Variants in FPR3 observed in about 807,000 individuals in gnomAD.
FPR3 encodes N-formyl peptide receptor 3.
For synonymous variants in FPR3, 135 were observed against 163.6 expected, an observed-to-expected ratio of 0.83 and a Z score of 1.34; for missense variants, 346 against 443.2, an observed-to-expected ratio of 0.78 and a Z score of 1.97.
chr19:51,813,119 A>AACATACACAC (rs2084109028), intron 1 of FPR3, among the ~76,000 whole-genome samples: 2 of 137,122 alleles, frequency 1.5e-5, no homozygotes, highest in Admixed American at 1.5e-4. Context: ...GCTCTGTCTC[A>AACATACACAC]ACACACACAC....
intron 1 of FPR3, among the ~76,000 whole-genome samples, chr19:51,813,143 C>CACACACACAT (rs1568429899): frequency 6.6e-6 from 1 of 151,532 alleles, no homozygotes; most frequent in Admixed American, 6.6e-5. Flanking sequence ...CACACACACA[C>CACACACACAT]ACACACACAC....
At chr19:51,815,957 C>T (rs1344097401) in intron 1 of FPR3, among the ~76,000 whole-genome samples, 2 of 151,904 alleles carry the variant, frequency 1.3e-5, no homozygotes, top group East Asian at 1.9e-4. Flanking sequence ...GTCCCAGCAA[C>T]TCAGGAGGCT....
At chr19:51,810,622 G>C (rs926514249) in intron 1 of FPR3, among the ~76,000 whole-genome samples, 1 of 152,148 alleles carries the variant, frequency 6.6e-6, no homozygotes, top group African/African-American at 2.4e-5. Flanking sequence ...GTTTAGCCTG[G>C]TCTGCACACA....
At chr19:51,805,519 T>C (rs1234258427) in intron 1 of FPR3, among the ~76,000 whole-genome samples, 1 of 152,232 alleles carries the variant, frequency 6.6e-6, no homozygotes. Context: ...TACTCACTTT[T>C]GTTATATTCT....
chr19:51,823,722 T>C lies in FPR3; in HGVS notation c.-10-17T>C. The C allele has an allele frequency of 1.3e-6, 2 of 1,533,946 alleles. No homozygotes were observed. Among genetic ancestry groups the C allele is most frequent in the South Asian group, 1.3e-5 (1 of 79,342 alleles). On this transcript the variant is annotated splice_polypyrimidine_tract_variant and intron_variant, in intron 1 of 1. Coordinates refer to ENST00000339223, the MANE Select transcript of FPR3 (RefSeq NM_002030.5). ...TGGTGTCACAGCTGAGAAATGGCCA[T>C]TGCTGAAATGTTTCAGGTGTGGGAA...
intron 1 of FPR3, among the ~76,000 whole-genome samples, chr19:51,796,677 GA>G (rs1175517623): frequency 6.6e-6 from 1 of 152,202 alleles, no homozygotes; most frequent in Non-Finnish European, 1.5e-5. Context: ...GAGGAAAAGA[GA>G]AATGAAAGGT....
At chr19:51,821,679 C>G (rs2084190685) in intron 1 of FPR3, among the ~76,000 whole-genome samples, 1 of 151,972 alleles carries the variant, frequency 6.6e-6, no homozygotes, top group Non-Finnish European at 1.5e-5. Flanking sequence ...GAACTCCTTT[C>G]AAATGCAGCA....
intron 1 of FPR3, among the ~76,000 whole-genome samples, chr19:51,795,581 T>G (rs1324780753): frequency 1.6e-5 from 2 of 126,264 alleles, no homozygotes; most frequent in Non-Finnish European, 3.2e-5. Context: ...TGGCACAATC[T>G]CAGCCCACTG....
intron 1 of FPR3, among the ~76,000 whole-genome samples, chr19:51,808,771 CTCTTAAATCATGT>C (rs1344314528): frequency 6.6e-6 from 1 of 152,192 alleles, no homozygotes; most frequent in East Asian, 1.9e-4. Context: ...ACATGAATAG[CTCTTAAATCATGT>C]AGTAGTCGCC....
At chr19:51,817,864 T>C (rs1323477245) in intron 1 of FPR3, 2 of 152,224 alleles carry the variant, frequency 1.3e-5, no homozygotes, top group Non-Finnish European at 1.5e-5. Flanking sequence ...ATCTAAAAAT[T>C]ATTGTTGGAA....
chr19:51,817,207 C>T (rs1005191621), intron 1 of FPR3, among the ~76,000 whole-genome samples: 3 of 152,060 alleles, frequency 2.0e-5, no homozygotes, highest in Non-Finnish European at 4.4e-5. Flanking sequence ...TCCATTGTTC[C>T]CTTGTCCTTC....
chr19:51,813,160 A>ACACACC (rs1555740553), intron 1 of FPR3, among the ~76,000 whole-genome samples: 1 of 147,246 alleles, frequency 6.8e-6, no homozygotes, highest in Non-Finnish European at 1.5e-5. Context: ...ACACACACAC[A>ACACACC]CCCCATAAAT....
At chr19:51,816,296 G>A (rs991183794) in intron 1 of FPR3, among the ~76,000 whole-genome samples, 1 of 152,138 alleles carries the variant, frequency 6.6e-6, no homozygotes, top group Non-Finnish European at 1.5e-5. Flanking sequence ...GCCCAGGCTT[G>A]GAGTACAGTG....
At position 51,809,257 on chromosome 19, in the gene FPR3, G is replaced by A. The variant is rs144923890; in HGVS notation, c.-11+13926G>A. On this transcript the variant is annotated intron_variant, in intron 1 of 1. Transcript: ENST00000339223. ...GACTGTCCATCTGGACCAAGACAAG[G>A]TAAAATCTCAGTGCTCTGTTGAACA... Among the ~76,000 whole-genome samples the A allele has an allele frequency of 6.2e-3, 944 of 152,310 alleles. 8 individuals are homozygous for A. Among genetic ancestry groups the A allele is most frequent in the African/African-American group, 0.02 (813 of 41,558 alleles).
intron 1 of FPR3, among the ~76,000 whole-genome samples, chr19:51,806,039 G>A (rs1050602713): frequency 6.6e-6 from 1 of 152,166 alleles, no homozygotes; most frequent in Non-Finnish European, 1.5e-5. Flanking sequence ...TGTTTACCTG[G>A]AGCTGGTCCT....
Position 51,824,121 on chromosome 19 carries a change from A to T in FPR3, c.373A>T (p.Ile125Phe). Residue 125 changes from isoleucine to phenylalanine, a missense_variant, in exon 2 of 2, where the codon ATT becomes TTT. Coordinates refer to ENST00000339223, the MANE Select transcript of FPR3 (RefSeq NM_002030.5). The surrounding 1 kb of genome is among the most constrained non-coding windows in gnomAD (Gnocchi z 4.7). Reference sequence around the variant, plus strand: ...CACCATCATTGCTCTGGACCGCTGTATTTGTGTCCTGCATCCAGCCTGGGC... The same window carrying T: ...CACCATCATTGCTCTGGACCGCTGTTTTTGTGTCCTGCATCCAGCCTGGGC... ...LITIIALDRC[I>F]CVLHPAWAQN... 1 of 1,613,992 alleles carries T rather than the reference A, an allele frequency of 6.2e-7. No homozygotes were observed. Among genetic ancestry groups the T allele is most frequent in the Middle Eastern group, 1.7e-4 (1 of 6,060 alleles).
rs1480666502 is a variant in FPR3, at chr19:51,825,892, T to C, written c.*1082T>C. Reference sequence around the variant, plus strand: ...GGATATTTGTAAGGCTTAGATGAGATAGTGTTTTTTTAGAAAAAAACTTTA... The same window carrying C: ...GGATATTTGTAAGGCTTAGATGAGACAGTGTTTTTTTAGAAAAAAACTTTA... On this transcript the variant is annotated 3_prime_UTR_variant, in exon 2 of 2. Coordinates refer to ENST00000339223, the MANE Select transcript of FPR3 (RefSeq NM_002030.5). The C allele has an allele frequency of 1.2e-5, 2 of 167,100 alleles. No homozygotes were observed. Among genetic ancestry groups the C allele is most frequent in the African/African-American group, 2.4e-5 (1 of 41,458 alleles). The allele number at this position is 167,100 out of a possible 1,614,324, so 10.4% of individuals were successfully genotyped here.
intron 1 of FPR3, among the ~76,000 whole-genome samples, chr19:51,798,405 A>T (rs2084011928): frequency 6.6e-6 from 1 of 152,200 alleles, no homozygotes; most frequent in African/African-American, 2.4e-5. Context: ...CATTGGTGTC[A>T]AAGCTGAGAA....
chr19:51,824,500 T>C lies in FPR3; in HGVS notation c.752T>C (p.Phe251Ser). The C allele has an allele frequency of 6.2e-7, 1 of 1,614,034 alleles. No individual in the cohort carries two copies. The highest frequency in any genetic ancestry group is 8.5e-7 in the Non-Finnish European group (1 of 1,179,988). The stretch of plus-strand genomic sequence containing the variant: ...TTCGCTGCTGTGGTGGCTTCTTTCT[T>C]CATCTGTTGGTTCCCTTATGAACTA... ...RVFAAVVASFFICWFPYELIG... is the reference protein window; with the variant it reads ...RVFAAVVASFSICWFPYELIG... Residue 251 changes from phenylalanine (F) to serine (S), a missense_variant, in exon 2 of 2, where the codon TTC becomes TCC. Phe to Ser is a radical substitution (Grantham distance 155). Coordinates refer to ENST00000339223, the MANE Select transcript of FPR3 (RefSeq NM_002030.5). The surrounding 1 kb of genome is among the most constrained non-coding windows in gnomAD (Gnocchi z 4.7).
Sources: allele counts gnomAD v4.1 joint callset (sites outside exome capture counted in the v4.1 genomes callset), GRCh38; gene constraint gnomAD v4.1.1; non-coding constraint Gnocchi (gnomAD v3.1); transcripts MANE v1.5; gene names NCBI Gene and HGNC (gene_info 2026-07-23, HGNC 2026-07-21).